BICDL1: variants seen among roughly 807,000 people sequenced by gnomAD.
BICDL1 encodes BICD family like cargo adaptor 1, also known as BICD family-like cargo adapter 1.
Under a neutral mutation model 76.8 loss-of-function variants are expected in BICDL1, and 20 were observed. The observed-to-expected ratio is 0.26, with a 90% confidence interval of 0.18 to 0.38. BICDL1 has a LOEUF of 0.38. Among genes scored for constraint, BICDL1 ranks in the 10% least tolerant of loss-of-function variants. The pLI, the probability that BICDL1 is intolerant of heterozygous loss-of-function variation, is 1.00. For missense variants in BICDL1, 700 were observed against 798.6 expected (o/e 0.88, Z 1.49); for synonymous variants, 383 against 337.1 (o/e 1.14, Z -1.49).
intron 9 of BICDL1, chr12:120,092,757 A>G: frequency 2.0e-6 from 2 of 985,414 alleles, no homozygotes; most frequent in Non-Finnish European, 2.4e-6. Context: ...GCCCAGCAGG[A>G]GTAACACTGT....
intron 1 of BICDL1, among the ~76,000 whole-genome samples, chr12:119,997,259 T>A (rs1411255694): frequency 6.6e-6 from 1 of 152,210 alleles, no homozygotes; most frequent in Non-Finnish European, 1.5e-5. Flanking sequence ...AAAAGATGTT[T>A]TTATTTCCCT....
At chr12:120,089,277 T>C (rs958636310) in intron 8 of BICDL1, among the ~76,000 whole-genome samples, 2 of 139,240 alleles carry the variant, frequency 1.4e-5, no homozygotes, top group Non-Finnish European at 3.0e-5. Flanking sequence ...TCAACGTGTG[T>C]GTGTGTGTGT....
intron 2 of BICDL1, among the ~76,000 whole-genome samples, chr12:120,016,842 A>T (rs886555613): frequency 1.1e-4 from 8 of 71,526 alleles, no homozygotes; most frequent in African/African-American, 5.3e-4. Flanking sequence ...TTTAGTATGT[A>T]AAAAAAAAAA....
At chr12:120,073,143 G>C (rs113057310) in intron 6 of BICDL1, among the ~76,000 whole-genome samples, 2 of 152,298 alleles carry the variant, frequency 1.3e-5, no homozygotes, top group South Asian at 2.1e-4. Context: ...TAAAGTGCTG[G>C]GATTGCAGGC....
intron 2 of BICDL1, among the ~76,000 whole-genome samples, chr12:120,023,685 G>A (rs1952228891): frequency 6.6e-6 from 1 of 152,078 alleles, no homozygotes; most frequent in Non-Finnish European, 1.5e-5. Context: ...AGCTACTCAG[G>A]AGGCTGAGGT....
At chr12:120,073,073 C>T (rs1033093131) in intron 6 of BICDL1, among the ~76,000 whole-genome samples, 4 of 152,166 alleles carry the variant, frequency 2.6e-5, no homozygotes, top group Admixed American at 6.5e-5. Flanking sequence ...CAGGGTTTTA[C>T]CATGTTGGCC....
chr12:120,092,221 T>A (rs1875033577), intron 9 of BICDL1: 23 of 985,312 alleles, frequency 2.3e-5, no homozygotes, highest in Non-Finnish European at 2.7e-5. Flanking sequence ...TCCACAGGCT[T>A]CTCTATGGGA....
chr12:119,995,684 A>G lies in BICDL1; in HGVS notation c.430-2837A>G, dbSNP rs182790176. 2.0e-5 allele frequency among the ~76,000 whole-genome samples: 3 copies of G among 152,300 alleles called. No homozygotes were observed. The East Asian group carries it at 5.8e-4, about 29-fold the overall frequency. ...TGCATTCCATCTTGCTGAAGTTTCT[A>G]CAGTGACTAAAACATTCTCTGGCCG... is the stretch of plus-strand genomic sequence containing the variant. On this transcript the variant is annotated intron_variant, in intron 1 of 9. Transcript: ENST00000548673.
intron 3 of BICDL1, among the ~76,000 whole-genome samples, chr12:120,063,580 A>G (rs2138908056): frequency 6.6e-6 from 1 of 152,312 alleles, no homozygotes; most frequent in South Asian, 2.1e-4. Flanking sequence ...GAAAAGTTCT[A>G]AGGTTGGTCC....
At chr12:120,057,697 A>G (rs929887538) in intron 2 of BICDL1, among the ~76,000 whole-genome samples, 2 of 152,058 alleles carry the variant, frequency 1.3e-5, no homozygotes, top group Non-Finnish European at 2.9e-5. Flanking sequence ...TCACCATCAC[A>G]GGCAATTGAT....
intron 2 of BICDL1, among the ~76,000 whole-genome samples, chr12:120,003,155 C>CT (rs1295822624): frequency 2.6e-4 from 18 of 68,692 alleles, no homozygotes; most frequent in Admixed American, 1.3e-3. Flanking sequence ...AAGACCCCAT[C>CT]TTTAAAAAAA....
chr12:120,090,237 T>A, intron 9 of BICDL1, 166 bp downstream of exon 9: 6 of 730,110 alleles, frequency 8.2e-6, no homozygotes, highest in Non-Finnish European at 1.3e-5. Context: ...CCCTAGTCCT[T>A]GGGGAAGAAT....
At position 120,071,789 on chromosome 12, in the gene BICDL1, G is replaced by A. The variant is rs2138945319; in HGVS notation, c.1077G>A (p.Gln359=). 6.2e-7 allele frequency: 1 copy of A among 1,608,026 alleles called. No individual in the cohort carries two copies. The highest frequency in any genetic ancestry group is 2.2e-5 in the East Asian group (1 of 44,652). ...GCATGGAGGCTGAGGAGCTGGAGCA[G>A]GAGCGAGAGCAGGTGCTGACCTGCC... is the stretch of plus-strand genomic sequence containing the variant. ...EQSMEAEELE[Q]EREQLRLQLW... Residue 359 remains glutamine, a synonymous_variant, in exon 5 of 10, where the codon CAG becomes CAA. Transcript: ENST00000548673. This position sits in a 1 kb window ranked among gnomAD's most constrained non-coding sequence, Gnocchi z 4.8.
intron 1 of BICDL1, among the ~76,000 whole-genome samples, chr12:119,996,665 T>C (rs1252411346): frequency 2.2e-5 from 3 of 137,984 alleles, no homozygotes; most frequent in Non-Finnish European, 4.5e-5. Context: ...GAACCCAGTA[T>C]ATATACATAT....
chr12:120,067,248 C>G (rs1040407701), intron 4 of BICDL1, among the ~76,000 whole-genome samples: 4 of 152,250 alleles, frequency 2.6e-5, no homozygotes, highest in African/African-American at 9.6e-5. Flanking sequence ...AGGGCCTAGT[C>G]CCAGCGACTG....
chr12:120,041,894 A>T (rs1171780747), intron 2 of BICDL1, among the ~76,000 whole-genome samples: 4 of 152,238 alleles, frequency 2.6e-5, no homozygotes, highest in Non-Finnish European at 5.9e-5. Flanking sequence ...GGAATCCTGT[A>T]GAATCTTAGA....
At chr12:120,047,109 A>G (rs1952764569) in intron 2 of BICDL1, among the ~76,000 whole-genome samples, 1 of 152,228 alleles carries the variant, frequency 6.6e-6, no homozygotes, top group Non-Finnish European at 1.5e-5. Context: ...ATTAGTTCAA[A>G]TGAAACAAAA....
At position 120,071,486 on chromosome 12, in the gene BICDL1, A is replaced by G. The variant is rs563876341; in HGVS notation, c.910-136A>G. The G allele has an allele frequency of 1.6e-6, 2 of 1,255,278 alleles. No homozygotes were observed. Among genetic ancestry groups the G allele is most frequent in the African/African-American group, 3.1e-5 (2 of 65,542 alleles). 77.8% of individuals were successfully genotyped at this position (1,255,278 alleles called of 1,614,324 possible). A position where few individuals can be genotyped will look rare whatever the true frequency, so the allele number is the denominator to read the frequency against. On this transcript the variant is annotated intron_variant, in intron 4 of 9. Transcript: ENST00000548673. The surrounding 1 kb of genome is among the most constrained non-coding windows in gnomAD (Gnocchi z 4.8). ...TTTTGCTGAGTGCATCTCCTGATGT[A>G]GTTTAACATGTTCTTCTCTCCTATT...
intron 2 of BICDL1, among the ~76,000 whole-genome samples, chr12:120,019,838 A>G (rs1157885417): frequency 6.6e-6 from 1 of 152,212 alleles, no homozygotes; most frequent in Non-Finnish European, 1.5e-5. Flanking sequence ...CCCAAGAACA[A>G]AAATAGTAGC....
Sources: allele counts gnomAD v4.1 joint callset (sites outside exome capture counted in the v4.1 genomes callset), GRCh38; gene constraint gnomAD v4.1.1; non-coding constraint Gnocchi (gnomAD v3.1); transcripts MANE v1.5; gene names NCBI Gene and HGNC (gene_info 2026-07-23, HGNC 2026-07-21).